CDH18: variants seen among roughly 807,000 people sequenced by gnomAD.
CDH18 encodes cadherin 18.
Under a neutral mutation model 67.9 loss-of-function variants are expected in CDH18, and 31 were observed. The ratio of observed to expected loss-of-function variants is 0.46; its 90% CI spans 0.34 to 0.62. The LOEUF (loss-of-function observed/expected upper bound fraction) is 0.62. CDH18 is among the 20% of genes least tolerant of loss of function. The pLI, the probability that CDH18 is intolerant of heterozygous loss-of-function variation, is 0.01. For missense variants in CDH18, 890 were observed against 975.5 expected (o/e 0.91, Z 1.17); for synonymous variants, 362 against 347.2 (o/e 1.04, Z -0.48).
At chr5:20,260,744 C>G (rs1194412518) in intron 1 of CDH18, among the ~76,000 whole-genome samples, 3 of 152,042 alleles carry the variant, frequency 2.0e-5, no homozygotes, top group Admixed American at 6.5e-5. Context: ...CAGGCTGATT[C>G]TCCTGCTGAC....
chr5:20,390,547 A>ATAC (rs1204326691), intron 1 of CDH18, among the ~76,000 whole-genome samples: 1 of 152,200 alleles, frequency 6.6e-6, no homozygotes, highest in East Asian at 1.9e-4. Flanking sequence ...GTGGGACTGT[A>ATAC]TACTAGTTCA....
chr5:20,003,875 C>A (rs946112646), intron 2 of CDH18, among the ~76,000 whole-genome samples: 5 of 152,006 alleles, frequency 3.3e-5, no homozygotes, highest in Admixed American at 3.3e-4. Context: ...CCAGCCTGGT[C>A]GACAGAGCGA....
At position 20,556,599 on chromosome 5, in the gene CDH18, G is replaced by A. The variant is rs148073479; in HGVS notation, c.-580+18863C>T. ...TGCTTTACACAAACCTAGCATATGA[G>A]TCATCACTCAGCACTCAAGACACCA... On this transcript the variant is annotated intron_variant, in intron 1 of 14. Coordinates refer to the CDH18 transcript ENST00000507958. 9.1e-4 allele frequency among the ~76,000 whole-genome samples: 138 copies of A among 152,192 alleles called. 4 individuals are homozygous for A. The East Asian group carries it at 0.021, about 23-fold the overall frequency.
At chr5:20,242,373 C>T (rs1742995963) in intron 2 of CDH18, among the ~76,000 whole-genome samples, 1 of 151,186 alleles carries the variant, frequency 6.6e-6, no homozygotes. Flanking sequence ...TTTCCCTGTC[C>T]ACTCCTTCAG....
chr5:19,620,159 T>A (rs1441300681), intron 5 of CDH18, among the ~76,000 whole-genome samples: 1 of 152,188 alleles, frequency 6.6e-6, no homozygotes, highest in Non-Finnish European at 1.5e-5. Flanking sequence ...CTTCTCTATA[T>A]GTTTTTTCTC....
chr5:19,753,539 A>C lies in CDH18; in HGVS notation c.229-6303T>G, dbSNP rs996579201. ...AGTCTGGGATTATATTAAATGACCA[A>C]ACCTAAGAATAATCAGTGTTCTTCA... On this transcript the variant is annotated intron_variant, in intron 3 of 12. Coordinates refer to ENST00000382275, the MANE Select transcript of CDH18 (RefSeq NM_004934.5). 2.0e-5 allele frequency among the ~76,000 whole-genome samples: 3 copies of C among 152,206 alleles called. No individual in the cohort carries two copies. In the East Asian group the frequency reaches 5.8e-4, roughly 29 times the overall value.
rs568651363 is a variant in CDH18, at chr5:19,594,877, C to G, written c.812-3633G>C. 7.2e-5 allele frequency among the ~76,000 whole-genome samples: 11 copies of G among 151,938 alleles called. No individual in the cohort carries two copies. In the South Asian group the frequency reaches 2.3e-3, roughly 32 times the overall value. ...AATGCTTTTCCAATAAGATCAGGAA[C>G]AAAGCAAGGATGCCCACTCTTACCA... On this transcript the variant is annotated intron_variant, in intron 6 of 12. Transcript: ENST00000382275.
At chr5:20,559,383 G>T (rs924191622) in intron 1 of CDH18, among the ~76,000 whole-genome samples, 1 of 151,902 alleles carries the variant, frequency 6.6e-6, no homozygotes, top group African/African-American at 2.4e-5. Flanking sequence ...AATTTTAACT[G>T]GGGTAAATCA....
chr5:19,514,498 C>T (rs1391682492), intron 10 of CDH18, among the ~76,000 whole-genome samples: 2 of 152,212 alleles, frequency 1.3e-5, no homozygotes, highest in African/African-American at 2.4e-5. Flanking sequence ...CACATCCTCT[C>T]CAGCACCTGT....
At chr5:19,944,578 C>G (rs1795120953) in intron 2 of CDH18, among the ~76,000 whole-genome samples, 1 of 152,074 alleles carries the variant, frequency 6.6e-6, no homozygotes. Context: ...TTTTGTAGTT[C>G]TTTCTGTCCT....
intron 1 of CDH18, among the ~76,000 whole-genome samples, chr5:20,469,678 G>A (rs1435145886): frequency 1.3e-5 from 2 of 152,060 alleles, no homozygotes; most frequent in South Asian, 2.1e-4. Context: ...AGTAGGCTGA[G>A]TTTTTTTGCT....
chr5:20,226,185 C>T (rs953182268), intron 2 of CDH18, among the ~76,000 whole-genome samples: 2 of 152,036 alleles, frequency 1.3e-5, no homozygotes, highest in Non-Finnish European at 2.9e-5. Flanking sequence ...CACATAAACA[C>T]ACTGGCCTTC....
chr5:20,275,819 G>T (rs1745768174), intron 1 of CDH18, among the ~76,000 whole-genome samples: 1 of 152,152 alleles, frequency 6.6e-6, no homozygotes, highest in African/African-American at 2.4e-5. Context: ...GTCTTGAATT[G>T]CTCCTATCTT....
intron 1 of CDH18, among the ~76,000 whole-genome samples, chr5:20,529,254 A>C (rs796311083): frequency 6.6e-6 from 1 of 150,856 alleles, no homozygotes; most frequent in African/African-American, 2.5e-5. Context: ...AGTAATAAAT[A>C]GCCTACCAAT....
chr5:20,447,032 AT>A (rs563269992), intron 1 of CDH18, among the ~76,000 whole-genome samples: 281 of 152,232 alleles, frequency 1.8e-3, no homozygotes, highest in African/African-American at 6.6e-3. Context: ...CTGAAAATAG[AT>A]TTACTAGATA....
chr5:19,611,949 C>CGTGTGTGTGTGTGT lies in CDH18; in HGVS notation c.811+471_811+484dup, dbSNP rs3062879. ...AACTTCAACTTGCTTTTGGATGATG[C>CGTGTGTGTGTGTGT]GTGTGTGTGTGTGTGTGTGTGTGTG... On this transcript the variant is annotated intron_variant, in intron 6 of 12. Coordinates refer to ENST00000382275, the MANE Select transcript of CDH18 (RefSeq NM_004934.5). Among the ~76,000 whole-genome samples the CGTGTGTGTGTGTGT allele has an allele frequency of 8.5e-3, 1,186 of 139,098 alleles. 15 individuals carry two copies. The highest frequency in any genetic ancestry group is 0.029 in the African/African-American group (1,093 of 37,852). The allele number at this position is 139,098 out of a possible 152,430, so 91.3% of individuals were successfully genotyped here. A position where few individuals can be genotyped will look rare whatever the true frequency, so the allele number is the denominator to read the frequency against.
chr5:19,653,328 T>G (rs1755851945), intron 5 of CDH18, among the ~76,000 whole-genome samples: 1 of 152,028 alleles, frequency 6.6e-6, no homozygotes. Context: ...TAGCGGCTAT[T>G]TCAGAACCAT....
intron 2 of CDH18, among the ~76,000 whole-genome samples, chr5:20,114,441 G>A (rs966075835): frequency 2.0e-5 from 3 of 152,078 alleles, no homozygotes; most frequent in Non-Finnish European, 4.4e-5. Flanking sequence ...TTCATAAGGA[G>A]TGACTAGTCA....
At chr5:19,931,007 G>A (rs1428393400) in intron 2 of CDH18, among the ~76,000 whole-genome samples, 1 of 151,904 alleles carries the variant, frequency 6.6e-6, no homozygotes, top group Non-Finnish European at 1.5e-5. Flanking sequence ...TTAGATATAT[G>A]TTACATGGGT....
Sources: gnomAD v4.1 joint callset for allele counts (sites outside exome capture counted in the v4.1 genomes callset) on GRCh38, gnomAD v4.1.1 for gene constraint, MANE v1.5 for transcripts, NCBI Gene and HGNC (gene_info 2026-07-23, HGNC 2026-07-21) for gene names.